PTPN5: variants seen among roughly 807,000 people sequenced by gnomAD.
PTPN5 encodes the protein protein tyrosine phosphatase non-receptor type 5, also known as tyrosine-protein phosphatase non-receptor type 5.
PTPN5 carries 29 observed loss-of-function variants against 73.9 expected under a neutral mutation model. The ratio of observed to expected loss-of-function variants is 0.39; its 90% confidence interval spans 0.29 to 0.54. The LOEUF (loss-of-function observed/expected upper bound fraction) is 0.54. Ranked by LOEUF, PTPN5 falls within the 20% of genes least tolerant of loss-of-function variation. The probability of loss-of-function intolerance (pLI) is 0.65; values close to 1 mark genes in which losing one functional copy is unlikely to be tolerated. For missense variants in PTPN5, 652 were observed against 751.4 expected, an observed-to-expected ratio of 0.87 and a Z score of 1.55; for synonymous variants, 267 against 304.7, an observed-to-expected ratio of 0.88 and a Z score of 1.29.
rs11024777 is a variant in PTPN5 at position 18,737,790 on chromosome 11, A to G, written c.1000+90T>C. On this transcript the variant is annotated intron_variant, in intron 9 of 14. Transcript: ENST00000358540. Reference sequence around the variant, plus strand: ...CACCTCCTCCAGTCCTGTCACCCCTAGAGGCCCAGCTGAGGGTCCTCCTCA... The same window carrying G: ...CACCTCCTCCAGTCCTGTCACCCCTGGAGGCCCAGCTGAGGGTCCTCCTCA... The G allele has an allele frequency of 6.5e-3, 7,577 of 1,157,312 alleles. 335 individuals carry two copies. The African/African-American group carries it at 0.099, about 15-fold the overall frequency. The allele number at this position is 1,157,312 out of a possible 1,614,324, so 71.7% of individuals were successfully genotyped here.
chr11:18,763,798 G>A (rs1328528677), intron 3 of PTPN5, among the ~76,000 whole-genome samples: 1 of 152,192 alleles, frequency 6.6e-6, no homozygotes, highest in Non-Finnish European at 1.5e-5. Context: ...CACTTGTGAG[G>A]ATAAATATTC....
chr11:18,787,088 T>C (rs760613819), intron 1 of PTPN5, among the ~76,000 whole-genome samples: 10 of 152,220 alleles, frequency 6.6e-5, no homozygotes, highest in African/African-American at 1.7e-4. Context: ...CGTTTTACTA[T>C]TTCGTCTTAG....
At chr11:18,754,408 G>C (rs1454904377) in intron 3 of PTPN5, among the ~76,000 whole-genome samples, 1 of 152,212 alleles carries the variant, frequency 6.6e-6, no homozygotes, top group Non-Finnish European at 1.5e-5. Flanking sequence ...TTTCCTCCGA[G>C]CTGGTTCACC....
At chr11:18,777,615 G>A (rs1459761543) in intron 1 of PTPN5, among the ~76,000 whole-genome samples, 3 of 152,126 alleles carry the variant, frequency 2.0e-5, no homozygotes, top group African/African-American at 4.8e-5. Flanking sequence ...CTGGGAGCAA[G>A]ATGAAGTAAA....
chr11:18,739,178 G>C (rs1849252682), intron 8 of PTPN5, among the ~76,000 whole-genome samples: 1 of 152,098 alleles, frequency 6.6e-6, no homozygotes, highest in Admixed American at 6.6e-5. Flanking sequence ...CACTTTCCAG[G>C]ATTGTGAAAA....
intron 2 of PTPN5, among the ~76,000 whole-genome samples, chr11:18,767,893 AC>A (rs1296974518): frequency 2.0e-5 from 3 of 152,200 alleles, no homozygotes; most frequent in African/African-American, 7.2e-5. Context: ...CTCCAGCCAC[AC>A]TGGGAAGGCT....
chr11:18,733,606 G>A lies in PTPN5; in HGVS notation c.1030C>T (p.Pro344Ser), dbSNP rs747282427. The change falls in exon 10 of 15, where the codon CCA becomes TCA. Residue 344 changes from proline to serine, a missense_variant. By Grantham distance (74) the Pro-to-Ser change is moderately conservative. Transcript: ENST00000358540. The surrounding 1 kb of genome is among the most constrained non-coding windows in gnomAD (Gnocchi z 4.3). The stretch of plus-strand genomic sequence containing the variant: ...GAACTCAGAGGGTCGTCAGGGTCTG[G>A]TGAGGTCAGACACACTCTGCTGTGA... ...NPHSRVCLTS[P>S]DPDDPLSSYI... The A allele has an allele frequency of 1.2e-6, 2 of 1,614,256 alleles. No individual in the cohort carries two copies. Among genetic ancestry groups the A allele is most frequent in the Middle Eastern group, 1.6e-4 (1 of 6,062 alleles).
chr11:18,729,766 T>C lies in PTPN5; in HGVS notation c.1382A>G (p.Asp461Gly). 6.2e-7 allele frequency: 1 copy of C among 1,611,982 alleles called. No individual in the cohort carries two copies. The highest frequency in any genetic ancestry group is 8.5e-7 in the Non-Finnish European group (1 of 1,178,492). Residue 461 changes from aspartate to glycine, a missense_variant, in exon 13 of 15, where the codon GAC becomes GGC. Around this residue, in one of 3 missense-constraint regions of PTPN5, gnomAD observed 102 missense variants for 160.5 expected, o/e 0.64. Coordinates refer to ENST00000358540, the MANE Select transcript of PTPN5 (RefSeq NM_006906.2). The surrounding 1 kb of genome is among the most constrained non-coding windows in gnomAD (Gnocchi z 5.2). ...LKHYWFTSWP[D>G]QKTPDRAPPL... ...GGGGGCCCGGTCTGGGGTCTTCTGG[T>C]CGGGCCAGGATGTGAACCAGTAATG...
At chr11:18,764,783 G>A (rs1034698037) in intron 3 of PTPN5, among the ~76,000 whole-genome samples, 2 of 152,154 alleles carry the variant, frequency 1.3e-5, no homozygotes, top group African/African-American at 4.8e-5. Context: ...CGCGATCTCG[G>A]CTCACTGCAA....
At chr11:18,770,080 C>T (rs1285386868) in intron 2 of PTPN5, among the ~76,000 whole-genome samples, 1 of 152,162 alleles carries the variant, frequency 6.6e-6, no homozygotes, top group African/African-American at 2.4e-5. Flanking sequence ...AAGGAATGGA[C>T]TTTAGACCCA....
At chr11:18,741,713 T>C (rs888428587) in intron 7 of PTPN5, among the ~76,000 whole-genome samples, 1 of 151,968 alleles carries the variant, frequency 6.6e-6, no homozygotes, top group Non-Finnish European at 1.5e-5. Flanking sequence ...TGGGGACTAC[T>C]AGAGGAGGGA....
intron 3 of PTPN5, among the ~76,000 whole-genome samples, chr11:18,757,687 G>C (rs1263888393): frequency 6.6e-6 from 1 of 152,200 alleles, no homozygotes; most frequent in Admixed American, 6.5e-5. Flanking sequence ...GTGCTCATGA[G>C]TGTCCTTGTG....
intron 8 of PTPN5, among the ~76,000 whole-genome samples, chr11:18,739,413 C>G (rs1360471974): frequency 1.3e-5 from 2 of 152,128 alleles, no homozygotes; most frequent in African/African-American, 2.4e-5. Flanking sequence ...AGCAAAGGCA[C>G]AGGAGGAGAA....
At chr11:18,753,597 C>A (rs1020967673) in intron 3 of PTPN5, among the ~76,000 whole-genome samples, 1 of 152,232 alleles carries the variant, frequency 6.6e-6, no homozygotes, top group Non-Finnish European at 1.5e-5. Context: ...GCTCTGGCTT[C>A]TTCCAGATCC....
chr11:18,765,283 A>C (rs558359556), intron 3 of PTPN5, among the ~76,000 whole-genome samples: 1 of 152,138 alleles, frequency 6.6e-6, no homozygotes, highest in South Asian at 2.1e-4. Flanking sequence ...CCCTGTGGGC[A>C]AGAGTGCCTT....
intron 3 of PTPN5, among the ~76,000 whole-genome samples, chr11:18,750,101 C>G (rs12575661): frequency 0.11 from 17,181 of 152,216 alleles, 1,228 homozygotes; most frequent in East Asian, 0.27. Context: ...GCCCAGAGAG[C>G]GGAAGTGGCT....
chr11:18,743,374 G>A lies in PTPN5; in HGVS notation c.347C>T (p.Ala116Val), dbSNP rs770332277. ...SGYGHIWSQNATNLVSSLLTL... is the reference protein window; with the variant it reads ...SGYGHIWSQNVTNLVSSLLTL... ...CAGCAAAGAGGAGACGAGGTTTGTGGCGTTCTGTGACCAGATGTGGCCATA... is the reference window on the plus strand; with the variant it reads ...CAGCAAAGAGGAGACGAGGTTTGTGACGTTCTGTGACCAGATGTGGCCATA... Residue 116 changes from alanine (A) to valine (V), a missense_variant, in exon 5 of 15, where the codon GCC (alanine) becomes GTC (valine). By Grantham distance (64) the Ala-to-Val change is moderately conservative. This residue lies in a region of PTPN5 where 529 missense variants were observed against 573.9 expected (regional missense o/e 0.92). Coordinates refer to ENST00000358540, the MANE Select transcript of PTPN5 (RefSeq NM_006906.2). 2 of 1,614,144 alleles carry A rather than the reference G, an allele frequency of 1.2e-6. No individual in the cohort carries two copies. The highest frequency in any genetic ancestry group is 2.2e-5 in the South Asian group (2 of 91,078).
chr11:18,753,978 G>T (rs962252474), intron 3 of PTPN5, among the ~76,000 whole-genome samples: 6 of 152,128 alleles, frequency 3.9e-5, no homozygotes, highest in African/African-American at 1.4e-4. Flanking sequence ...CTGCAAGGGC[G>T]CATGGCAACA....
chr11:18,787,978 C>G (rs1489222410), intron 1 of PTPN5, among the ~76,000 whole-genome samples: 1 of 152,102 alleles, frequency 6.6e-6, no homozygotes, highest in African/African-American at 2.4e-5. Context: ...TCATTATGGT[C>G]CCTGGTAGAT....
Sources: allele counts gnomAD v4.1 joint callset (sites outside exome capture counted in the v4.1 genomes callset), GRCh38; gene constraint gnomAD v4.1.1; regional missense constraint gnomAD v4.1.1; non-coding constraint Gnocchi (gnomAD v3.1); transcripts MANE v1.5; gene names NCBI Gene and HGNC (gene_info 2026-07-23, HGNC 2026-07-21).